Variants in RNF144B observed in about 807,000 individuals in gnomAD.
RNF144B encodes the protein ring finger protein 144B.
RNF144B carries 25 observed loss-of-function variants against 40.2 expected under a neutral mutation model. The observed-to-expected ratio is 0.62, with a 90% CI of 0.45 to 0.87. The LOEUF (loss-of-function observed/expected upper bound fraction) is 0.87. Ranked by LOEUF, RNF144B falls within the 40% of genes least tolerant of loss-of-function variation. The pLI is 0.00. For synonymous variants in RNF144B, 145 were observed against 136.3 expected, an observed-to-expected ratio of 1.06 and a Z score of -0.44; for missense variants, 365 against 373.7, an observed-to-expected ratio of 0.98 and a Z score of 0.19.
chr6:18,463,054 C>T (rs994333907), intron 6 of RNF144B, among the ~76,000 whole-genome samples: 4 of 133,520 alleles, frequency 3.0e-5, no homozygotes, highest in African/African-American at 1.0e-4. Context: ...GTCATTACTA[C>T]TCTTTTTTTT....
rs1411427865 is a variant in RNF144B, at chr6:18,443,166, A to G, written c.331+3422A>G. ...ACATCTTACTGTCATAAAGTATTGCAGTGTATTAAATTTAGTGGCCTTTTG... is the reference window on the plus strand; with the variant it reads ...ACATCTTACTGTCATAAAGTATTGCGGTGTATTAAATTTAGTGGCCTTTTG... On this transcript the variant is annotated intron_variant, in intron 4 of 7. Coordinates refer to ENST00000259939, the MANE Select transcript of RNF144B (RefSeq NM_182757.4). The surrounding 1 kb of genome is among the most constrained non-coding windows in gnomAD (Gnocchi z 4.7). Among the ~76,000 whole-genome samples, 1 of 152,238 alleles carries G rather than the reference A, an allele frequency of 6.6e-6. No homozygotes were observed. The highest frequency in any genetic ancestry group is 1.9e-4 in the East Asian group (1 of 5,204).
Position 18,406,120 on chromosome 6 carries a change from A to G in RNF144B, c.165+6421A>G. 1 of 519,054 alleles carries G rather than the reference A, an allele frequency of 1.9e-6. No homozygotes were observed. The highest frequency in any genetic ancestry group is 3.8e-6 in the Non-Finnish European group (1 of 259,872). 32.2% of individuals were successfully genotyped at this position (519,054 alleles called of 1,614,324 possible). On this transcript the variant is annotated intron_variant, in intron 2 of 7. Coordinates refer to ENST00000259939, the MANE Select transcript of RNF144B (RefSeq NM_182757.4). This position sits in a 1 kb window ranked among gnomAD's most constrained non-coding sequence, Gnocchi z 4.2. ...GGTTTGAATATAGTGGTGAACGATC[A>G]GATTAAGCCCTGGTTTTCAAATAAC...
At chr6:18,404,272 T>A (rs1037564148) in intron 2 of RNF144B, among the ~76,000 whole-genome samples, 1 of 152,228 alleles carries the variant, frequency 6.6e-6, no homozygotes, top group African/African-American at 2.4e-5. Flanking sequence ...TGTTTCTCCC[T>A]TGCAGTATAG....
At chr6:18,453,820 C>T (rs1051616674) in intron 4 of RNF144B, among the ~76,000 whole-genome samples, 5 of 152,162 alleles carry the variant, frequency 3.3e-5, no homozygotes, top group African/African-American at 9.7e-5. Flanking sequence ...ACAGGAGGAA[C>T]AGTCCTTGTT....
intron 3 of RNF144B, among the ~76,000 whole-genome samples, chr6:18,429,282 G>GTGTGTGTGTGCAGACACACATGTAGA (rs544897779): frequency 7.2e-4 from 109 of 152,186 alleles, no homozygotes; most frequent in African/African-American, 2.3e-3. Flanking sequence ...AGCTCAATTT[G>GTGTGTGTGTGCAGACACACATGTAGA]TGTGTGTGTG....
rs1290226740 is a variant in RNF144B at position 18,395,883 on chromosome 6, G to A, written c.-36-3616G>A. ...AAAATGTCTGAGAGCCATTGCTTTA[G>A]GGAATTGGTGTTATTGTACACAGAA... On this transcript the variant is annotated intron_variant, in intron 1 of 7. Coordinates refer to ENST00000259939, the MANE Select transcript of RNF144B (RefSeq NM_182757.4). The surrounding 1 kb of genome is among the most constrained non-coding windows in gnomAD (Gnocchi z 4.5). Among the ~76,000 whole-genome samples the A allele has an allele frequency of 2.0e-5, 3 of 152,170 alleles. No homozygotes were observed. Among genetic ancestry groups the A allele is most frequent in the Non-Finnish European group, 4.4e-5 (3 of 68,036 alleles).
intron 2 of RNF144B, among the ~76,000 whole-genome samples, chr6:18,415,931 A>G (rs909650483): frequency 2.0e-5 from 3 of 151,814 alleles, no homozygotes; most frequent in African/African-American, 7.3e-5. Context: ...TAATAGTAGG[A>G]GGAAGAATGA....
chr6:18,405,070 G>A lies in RNF144B; in HGVS notation c.165+5371G>A, dbSNP rs2147212. 0.86 allele frequency among the ~76,000 whole-genome samples: 130,906 copies of A among 151,960 alleles called. 56,834 individuals carry two copies. Among genetic ancestry groups the A allele is most frequent in the East Asian group, 1 (5,179 of 5,188 alleles). ...ACTACTATTAAATGGGCCGAACTAA[G>A]TTCTGCCAGTTCAAAGCACTGTATT... On this transcript the variant is annotated intron_variant, in intron 2 of 7. Transcript: ENST00000259939. The surrounding 1 kb of genome is among the most constrained non-coding windows in gnomAD (Gnocchi z 4.5).
chr6:18,394,745 A>C (rs761105599), intron 1 of RNF144B, among the ~76,000 whole-genome samples: 36 of 152,202 alleles, frequency 2.4e-4, no homozygotes, highest in Non-Finnish European at 4.6e-4. Flanking sequence ...CTTCTTTGAC[A>C]ATTCTAATGA....
chr6:18,404,328 C>G (rs1218109736), intron 2 of RNF144B, among the ~76,000 whole-genome samples: 1 of 152,166 alleles, frequency 6.6e-6, no homozygotes, highest in Non-Finnish European at 1.5e-5. Flanking sequence ...GACTCAGGCT[C>G]AAGTTCAGGC....
intron 4 of RNF144B, among the ~76,000 whole-genome samples, chr6:18,452,637 C>T (rs1318150192): frequency 1.3e-5 from 2 of 152,020 alleles, no homozygotes; most frequent in Non-Finnish European, 2.9e-5. Context: ...AAAAGTAGTA[C>T]TTGACCTTTT....
intron 2 of RNF144B, among the ~76,000 whole-genome samples, chr6:18,411,243 A>C (rs552182393): frequency 9.7e-4 from 148 of 151,848 alleles, no homozygotes; most frequent in African/African-American, 3.4e-3. Flanking sequence ...TCGGCCTCCC[A>C]AAGTGCTGGG....
At chr6:18,452,312 A>T (rs570489408) in intron 4 of RNF144B, among the ~76,000 whole-genome samples, 1 of 152,344 alleles carries the variant, frequency 6.6e-6, no homozygotes, top group South Asian at 2.1e-4. Context: ...ATGAATAGAC[A>T]GCAGCAATTA....
intron 1 of RNF144B, among the ~76,000 whole-genome samples, chr6:18,397,185 A>G (rs1274369344): frequency 6.6e-6 from 1 of 152,236 alleles, no homozygotes; most frequent in Non-Finnish European, 1.5e-5. Flanking sequence ...CAGATTGACA[A>G]GCAAATATCT....
chr6:18,449,376 G>A lies in RNF144B; in HGVS notation c.332-7779G>A, dbSNP rs144598889. On this transcript the variant is annotated intron_variant, in intron 4 of 7. Coordinates refer to ENST00000259939, the MANE Select transcript of RNF144B (RefSeq NM_182757.4). The stretch of plus-strand genomic sequence containing the variant: ...TCAGTGTGATCTGGTTCTCACAAAC[G>A]TAATCATCTCAAAGGCTTTATCTCT... 3.3e-5 allele frequency among the ~76,000 whole-genome samples: 5 copies of A among 152,158 alleles called. No homozygotes were observed. The East Asian group carries it at 9.6e-4, about 29-fold the overall frequency.
At position 18,464,217 on chromosome 6, in the gene RNF144B, A is replaced by G. The variant is rs1759527246; in HGVS notation, c.772-710A>G. 6.6e-6 allele frequency among the ~76,000 whole-genome samples: 1 copy of G among 152,214 alleles called. No homozygotes were observed. Among genetic ancestry groups the G allele is most frequent in the South Asian group, 2.1e-4 (1 of 4,836 alleles). On this transcript the variant is annotated intron_variant, in intron 7 of 7. Transcript: ENST00000259939. The surrounding 1 kb of genome is among the most constrained non-coding windows in gnomAD (Gnocchi z 6.1). ...GTGTTTTATATTTATTAAAGGCGGT[A>G]TTCCTTTGGAGGGAGTCAGTGCTAA... is the stretch of plus-strand genomic sequence containing the variant.
In RNF144B at chr6:18,405,426, C is replaced by T. The variant is rs372843263; in HGVS notation, c.165+5727C>T. Among the ~76,000 whole-genome samples the T allele has an allele frequency of 2.0e-4, 31 of 152,138 alleles. No individual in the cohort carries two copies. The South Asian group carries it at 2.3e-3, about 11-fold the overall frequency. Reference sequence around the variant, plus strand: ...TCCTGACCTCGTGATCCACCTGCCTCGGCCTCCCAAAGTGCTGGGATTATA... The same window carrying T: ...TCCTGACCTCGTGATCCACCTGCCTTGGCCTCCCAAAGTGCTGGGATTATA... On this transcript the variant is annotated intron_variant, in intron 2 of 7. Coordinates refer to ENST00000259939, the MANE Select transcript of RNF144B (RefSeq NM_182757.4). The surrounding 1 kb of genome is among the most constrained non-coding windows in gnomAD (Gnocchi z 4.5).
At chr6:18,391,529 C>T (rs888025764) in intron 1 of RNF144B, among the ~76,000 whole-genome samples, 1 of 152,058 alleles carries the variant, frequency 6.6e-6, no homozygotes, top group African/African-American at 2.4e-5. Context: ...TGGGCCTTAC[C>T]CTGTAGGGTA....
At chr6:18,462,234 G>A (rs1759471018) in intron 6 of RNF144B, among the ~76,000 whole-genome samples, 1 of 152,056 alleles carries the variant, frequency 6.6e-6, no homozygotes, top group Admixed American at 6.6e-5. Context: ...ACTGCAATGT[G>A]TTCGGATTGC....
Sources: allele counts gnomAD v4.1 joint callset (sites outside exome capture counted in the v4.1 genomes callset), GRCh38; gene constraint gnomAD v4.1.1; non-coding constraint Gnocchi (gnomAD v3.1); transcripts MANE v1.5; gene names NCBI Gene and HGNC (gene_info 2026-07-23, HGNC 2026-07-21).